OGFOD2: variants seen among roughly 807,000 people sequenced by gnomAD.
OGFOD2 encodes 2-oxoglutarate and iron dependent oxygenase domain containing 2.
Under a neutral mutation model 31.1 loss-of-function variants are expected in OGFOD2, and 34 were observed. The observed-to-expected ratio is 1.09, with a 90% CI of 0.83 to 1.45. OGFOD2 has a LOEUF of 1.45. Ranked by LOEUF, OGFOD2 falls within the 40% of genes most tolerant of loss-of-function variation. The pLI, the probability that OGFOD2 is intolerant of heterozygous loss-of-function variation, is 0.00. For synonymous variants in OGFOD2, 240 were observed against 192.3 expected (o/e 1.25, Z -2.05); for missense variants, 537 against 433.9 (o/e 1.24, Z -2.11).
chr12:122,976,901 G>A lies in OGFOD2; in HGVS notation c.334G>A (p.Val112Met), dbSNP rs200245251. Reference sequence around the variant, plus strand: ...AGCTCTGGCCCCCGAGTTCCTGGCCGTGACTGAGTACAGCGTGTCCCCAGA... The same window carrying A: ...AGCTCTGGCCCCCGAGTTCCTGGCCATGACTGAGTACAGCGTGTCCCCAGA... Residue 112 changes from valine (V) to methionine (M), a missense_variant, in exon 4 of 7, where the codon GTG (valine) becomes ATG (methionine). Coordinates refer to ENST00000228922, the Ensembl canonical transcript of OGFOD2. The A allele has an allele frequency of 3.4e-5, 54 of 1,610,312 alleles. No homozygotes were observed. The highest frequency in any genetic ancestry group is 6.6e-5 in the South Asian group (6 of 90,992).
chr12:122,976,569 C>T (rs1023271259), intron 2 of OGFOD2, 85 bp from the exon 3 acceptor site: 2 of 1,299,796 alleles, frequency 1.5e-6, no homozygotes, highest in Non-Finnish European at 1.1e-6. Context: ...CCCTGTCTGG[C>T]GTTCTGGGCT....
intron 4 of OGFOD2, chr12:122,977,467 C>G (rs545502203): frequency 4.7e-6 from 1 of 211,710 alleles, no homozygotes; most frequent in African/African-American, 2.3e-5. Context: ...GGATTTCTTG[C>G]TGGGCTCACT....
chr12:122,975,375 T>C (rs1468391527), exon 1 of OGFOD2: 2 of 700,044 alleles, frequency 2.9e-6, no homozygotes, highest in Non-Finnish European at 5.2e-6. Context: ...GCGCCGGGAC[T>C]ACGGCCCGGT....
chr12:122,976,431 G>A, intron 2 of OGFOD2: 1 of 1,612,232 alleles, frequency 6.2e-7, no homozygotes, highest in Non-Finnish European at 8.5e-7. Flanking sequence ...TCCCAGCTAG[G>A]CTCAGGTTGG....
intron 4 of OGFOD2, 76 bp downstream of exon 4, chr12:122,977,046 C>A: frequency 7.2e-7 from 1 of 1,395,638 alleles, no homozygotes. Context: ...ATGCTGGGGT[C>A]CCTCCAGCCA....
exon 1 of OGFOD2, chr12:122,975,253 T>C: frequency 1.5e-6 from 1 of 679,602 alleles, no homozygotes; most frequent in Non-Finnish European, 2.7e-6. Flanking sequence ...TGCTTCACTA[T>C]GGCGACGGTG....
chr12:122,978,340 G>A (rs1485094300), intron 4 of OGFOD2, 102 bp from the exon 5 acceptor site: 6 of 1,448,442 alleles, frequency 4.1e-6, no homozygotes, highest in Non-Finnish European at 4.7e-6. Flanking sequence ...AAAAGCAAAG[G>A]CCTCATCTCC....
rs1406785620 is a variant in OGFOD2 at position 122,978,993 on chromosome 12, T to C, written c.772T>C (p.Phe258Leu). The change falls in exon 6 of 7, where the codon TTT becomes CTT. Residue 258 changes from phenylalanine to leucine, a missense_variant. Phe to Leu is a conservative substitution (Grantham distance 22). Transcript: ENST00000228922. ...GGTCTTCACAGGGGGCGCCCTGTAT[T>C]TTGGGGGCCTCTTCCAGGTGAGTGT... 11 of 1,612,624 alleles carry C rather than the reference T, an allele frequency of 6.8e-6. No homozygotes were observed. In the Admixed American group the frequency reaches 1.2e-4, roughly 17 times the overall value.
intron 2 of OGFOD2, chr12:122,976,249 G>A (rs746712587): frequency 7.1e-5 from 56 of 790,426 alleles, no homozygotes; most frequent in South Asian, 3.1e-5. Flanking sequence ...CATATACCCC[G>A]CAGGCTGCTG....
chr12:122,978,554 C>A (rs778557181), exon 5 of OGFOD2: 12 of 1,613,124 alleles, frequency 7.4e-6, no homozygotes, highest in Middle Eastern at 1.7e-4. Flanking sequence ...GGCCCAACAC[C>A]ATGAACAACT....
intron 2 of OGFOD2, chr12:122,976,321 C>T (rs908254865): frequency 4.4e-6 from 7 of 1,577,128 alleles, no homozygotes; most frequent in Non-Finnish European, 6.1e-6. Flanking sequence ...GGAAGCTTCC[C>T]AGGAGAGTCC....
intron 5 of OGFOD2, 81 bp downstream of exon 5, chr12:122,978,650 C>G: frequency 1.3e-5 from 20 of 1,588,590 alleles, no homozygotes; most frequent in Non-Finnish European, 1.7e-5. Flanking sequence ...GATGGGCTGC[C>G]TGCCCGGGCT....
chr12:122,977,409 C>T (rs990760764), intron 4 of OGFOD2: 1 of 224,698 alleles, frequency 4.5e-6, no homozygotes, highest in East Asian at 1.2e-4. Context: ...CGGAGGCCTG[C>T]GGCCATGCCA....
At chr12:122,976,372 C>T (rs1223084637) in intron 2 of OGFOD2, 1 of 1,613,862 alleles carries the variant, frequency 6.2e-7, no homozygotes, top group South Asian at 1.1e-5. Flanking sequence ...ATGACTGTCT[C>T]CTGTCCCTGT....
At chr12:122,975,188 C>T (rs2037373560), upstream of OGFOD2, 13 of 517,428 alleles carry the variant, frequency 2.5e-5, no homozygotes, top group Admixed American at 3.9e-4. Flanking sequence ...TTCCGCGCCT[C>T]CCGCGGTTGG....
At chr12:122,976,186 G>C (rs1020503798) in intron 2 of OGFOD2, 66 of 599,834 alleles carry the variant, frequency 1.1e-4, no homozygotes, top group Non-Finnish European at 1.8e-4. Flanking sequence ...TACAGCAGGA[G>C]CAGATGTGAT....
At chr12:122,977,430 A>G (rs939990276) in intron 4 of OGFOD2, 1 of 208,626 alleles carries the variant, frequency 4.8e-6, no homozygotes, top group African/African-American at 2.3e-5. Flanking sequence ...AACTCCAAGT[A>G]GGGCAAAAAA....
At chr12:122,975,680 A>G in intron 1 of OGFOD2, 131 bp from the exon 2 acceptor site, 1 of 645,976 alleles carries the variant, frequency 1.5e-6, no homozygotes, top group Non-Finnish European at 2.9e-6. Flanking sequence ...AGGGTTCCGC[A>G]GTTCATTCTC....
chr12:122,979,400 G>C, exon 7 of OGFOD2: 1 of 1,533,644 alleles, frequency 6.5e-7, no homozygotes, highest in Non-Finnish European at 8.8e-7. Flanking sequence ...CCGTTGCCTT[G>C]GTCTGGGGGC....
Sources: allele counts gnomAD v4.1 joint callset, GRCh38; gene constraint gnomAD v4.1.1; transcripts MANE v1.5; gene names NCBI Gene and HGNC (gene_info 2026-07-23, HGNC 2026-07-21).